INVS: variants seen among roughly 807,000 people sequenced by gnomAD.
The protein encoded by INVS is inversion of embryo turning homolog.
In INVS, 86 loss-of-function variants were observed where a neutral mutation model predicts 108.8. The observed-to-expected ratio is 0.79, with a 90% confidence interval of 0.66 to 0.95. The LOEUF (loss-of-function observed/expected upper bound fraction) is 0.95, where lower values mean the gene tolerates loss of function less well. Ranked by LOEUF, INVS falls within the 40% of genes least tolerant of loss-of-function variation. The pLI, the probability that INVS is intolerant of heterozygous loss-of-function variation, is 0.00. For missense variants in INVS, 1,169 were observed against 1,297.4 expected (o/e 0.90, Z 1.52); for synonymous variants, 455 against 473.5 (o/e 0.96, Z 0.51).
chr9:100,190,074 A>G (rs1163300564), intron 3 of INVS, among the ~76,000 whole-genome samples: 1 of 152,164 alleles, frequency 6.6e-6, no homozygotes, highest in Admixed American at 6.5e-5. Flanking sequence ...AGGTGCATAT[A>G]TATTTAGGAT....
intron 3 of INVS, among the ~76,000 whole-genome samples, chr9:100,174,135 A>G (rs1289413945): frequency 6.6e-6 from 1 of 152,212 alleles, no homozygotes; most frequent in African/African-American, 2.4e-5. Context: ...GAGAACAACT[A>G]TCTTTGTTGT....
chr9:100,301,466 C>T lies in INVS; in HGVS notation c.*792C>T, dbSNP rs922261719. Among the ~76,000 whole-genome samples, 9 of 152,134 alleles carry T rather than the reference C, an allele frequency of 5.9e-5. No homozygotes were observed. The highest frequency in any genetic ancestry group is 1.9e-4 in the African/African-American group (8 of 41,438). ...TCATGCAGCAAGGTGCTAACTCAGG[C>T]GTCAACGTTCTACTTGTATTTTCTG... On this transcript the variant is annotated 3_prime_UTR_variant, in exon 17 of 17. Transcript: ENST00000262457.
chr9:100,140,433 A>T (rs1588032103), intron 3 of INVS, among the ~76,000 whole-genome samples: 1 of 152,140 alleles, frequency 6.6e-6, no homozygotes, highest in East Asian at 1.9e-4. Context: ...CAGGAGAAGG[A>T]ATTTCACAAG....
intron 10 of INVS, among the ~76,000 whole-genome samples, chr9:100,253,939 G>T (rs1033442707): frequency 5.9e-5 from 9 of 152,178 alleles, no homozygotes; most frequent in African/African-American, 2.2e-4. Flanking sequence ...CCAGTAATGG[G>T]ATGGCTGGGT....
chr9:100,213,199 T>C (rs1325491254), intron 3 of INVS, among the ~76,000 whole-genome samples: 4 of 106,932 alleles, frequency 3.7e-5, no homozygotes, highest in South Asian at 3.6e-4. Flanking sequence ...AACACATGAA[T>C]TGGGGGGGTT....
chr9:100,270,806 C>T (rs1832931685), intron 11 of INVS, among the ~76,000 whole-genome samples: 1 of 148,914 alleles, frequency 6.7e-6, no homozygotes, highest in South Asian at 2.1e-4. Flanking sequence ...CCCGTGGTCC[C>T]AGCTATTTGG....
At chr9:100,150,938 G>A (rs1228019841) in intron 3 of INVS, among the ~76,000 whole-genome samples, 1 of 152,186 alleles carries the variant, frequency 6.6e-6, no homozygotes, top group African/African-American at 2.4e-5. Flanking sequence ...GAGAGGGGAT[G>A]GCTGGGGAGG....
Position 100,301,471 on chromosome 9 carries a change from A to G in INVS, c.*797A>G, listed in dbSNP as rs781474301. Reference sequence around the variant, plus strand: ...CAGCAAGGTGCTAACTCAGGCGTCAACGTTCTACTTGTATTTTCTGACCAA... The same window carrying G: ...CAGCAAGGTGCTAACTCAGGCGTCAGCGTTCTACTTGTATTTTCTGACCAA... On this transcript the variant is annotated 3_prime_UTR_variant, in exon 17 of 17. Coordinates refer to ENST00000262457, the MANE Select transcript of INVS (RefSeq NM_014425.5). Among the ~76,000 whole-genome samples the G allele has an allele frequency of 6.6e-6, 1 of 152,196 alleles. No homozygotes were observed. The highest frequency in any genetic ancestry group is 2.4e-5 in the African/African-American group (1 of 41,448).
chr9:100,146,284 G>C (rs1337485926), intron 3 of INVS, among the ~76,000 whole-genome samples: 1 of 143,348 alleles, frequency 7.0e-6, no homozygotes, highest in Non-Finnish European at 1.5e-5. Flanking sequence ...TACAGTCAAA[G>C]GGGGGTTGTT....
intron 2 of INVS, among the ~76,000 whole-genome samples, chr9:100,115,307 T>C (rs1481711222): frequency 6.6e-6 from 1 of 151,080 alleles, no homozygotes; most frequent in Non-Finnish European, 1.5e-5. Context: ...ATTTTATATA[T>C]ATATATTTTT....
intron 8 of INVS, among the ~76,000 whole-genome samples, chr9:100,247,315 T>C (rs1374104000): frequency 1.3e-5 from 2 of 152,152 alleles, no homozygotes; most frequent in Non-Finnish European, 2.9e-5. Flanking sequence ...AAATCAACCT[T>C]GCTTGAAAAA....
At chr9:100,239,270 T>C (rs1470615980) in intron 5 of INVS, among the ~76,000 whole-genome samples, 2 of 152,204 alleles carry the variant, frequency 1.3e-5, no homozygotes, top group African/African-American at 2.4e-5. Context: ...GATAACTATA[T>C]TGTGGTTTAT....
chr9:100,197,836 T>C (rs1365472720), intron 3 of INVS, among the ~76,000 whole-genome samples: 4 of 152,194 alleles, frequency 2.6e-5, no homozygotes, highest in Non-Finnish European at 5.9e-5. Context: ...AGAATTTCTT[T>C]ATGGCCAGAG....
intron 10 of INVS, among the ~76,000 whole-genome samples, chr9:100,262,640 A>C (rs77489376): frequency 8.0e-5 from 1 of 12,522 alleles, no homozygotes; most frequent in Non-Finnish European, 3.4e-4. Flanking sequence ...TGGAGCACTA[A>C]AAAAAAAAAA....
chr9:100,104,593 T>C lies in INVS; in HGVS notation c.72T>C (p.Asn24=), dbSNP rs1162568056. 3 of 1,614,102 alleles carry C rather than the reference T, an allele frequency of 1.9e-6. No individual in the cohort carries two copies. Among genetic ancestry groups the C allele is most frequent in the Non-Finnish European group, 8.5e-7 (1 of 1,179,968 alleles). Residue 24 remains asparagine, a synonymous_variant, in exon 2 of 17, where the codon AAT becomes AAC. Coordinates refer to ENST00000262457, the MANE Select transcript of INVS (RefSeq NM_014425.5). ...LASQVHAAAV[N]GDKGALQRLI... ...CACAAGTCCATGCTGCTGCCGTTAATGGAGATAAGGGTGCTCTACAGAGGC... is the reference window on the plus strand; with the variant it reads ...CACAAGTCCATGCTGCTGCCGTTAACGGAGATAAGGGTGCTCTACAGAGGC...
intron 3 of INVS, among the ~76,000 whole-genome samples, chr9:100,159,533 G>C (rs1829103111): frequency 1.3e-5 from 2 of 152,130 alleles, no homozygotes; most frequent in African/African-American, 4.8e-5. Context: ...CTTTATTATA[G>C]ATAGGAATTC....
chr9:100,299,047 A>G (rs1472669590), intron 16 of INVS, among the ~76,000 whole-genome samples: 1 of 152,240 alleles, frequency 6.6e-6, no homozygotes, highest in Non-Finnish European at 1.5e-5. Flanking sequence ...CAAATCCAAG[A>G]CTACCAGAAA....
In INVS at chr9:100,292,930, T is replaced by G. The variant is rs775260392; in HGVS notation, c.2673T>G (p.Ile891Met). 9.3e-6 allele frequency: 15 copies of G among 1,613,464 alleles called. No individual in the cohort carries two copies. The African/African-American group carries it at 1.2e-4, about 13-fold the overall frequency. ...CCCTCTCTGGGCAGAGTGTGAATAT[T>G]GACCTTCTCCCCGTAGAGCTCCGAC... ...PGPLSGQSVN[I>M]DLLPVELRLQ... Residue 891 changes from isoleucine (I) to methionine (M), a missense_variant, in exon 14 of 17, where the codon ATT becomes ATG. Around this residue, in one of 3 missense-constraint regions of INVS, gnomAD observed 533 missense variants for 536.0 expected, o/e 0.99. Coordinates refer to ENST00000262457, the MANE Select transcript of INVS (RefSeq NM_014425.5).
chr9:100,281,815 G>A (rs907296464), intron 12 of INVS, among the ~76,000 whole-genome samples: 1 of 150,088 alleles, frequency 6.7e-6, no homozygotes, highest in African/African-American at 2.4e-5. Flanking sequence ...ACTTTAAAAG[G>A]CTGGATCCCC....
Sources: gnomAD v4.1 joint callset for allele counts (sites outside exome capture counted in the v4.1 genomes callset) on GRCh38, gnomAD v4.1.1 for gene constraint, gnomAD v4.1.1 regional missense constraint, MANE v1.5 for transcripts, NCBI Gene and HGNC (gene_info 2026-07-23, HGNC 2026-07-21) for gene names.